CELF6: variants seen among roughly 807,000 people sequenced by gnomAD.
CELF6 encodes Bruno -like 6, RNA binding protein.
In CELF6, 32 loss-of-function variants were observed where a neutral mutation model predicts 53.1. The observed-to-expected ratio is 0.60, with a 90% CI of 0.46 to 0.81. The LOEUF is 0.81. Ranked by LOEUF, CELF6 falls within the 30% of genes least tolerant of loss-of-function variation. The probability of loss-of-function intolerance (pLI) is 0.00; values close to 1 mark genes in which losing one functional copy is unlikely to be tolerated. For synonymous variants in CELF6, 291 were observed against 288.8 expected (o/e 1.01, Z -0.08); for missense variants, 539 against 669.5 (o/e 0.81, Z 2.15).
At position 72,289,094 on chromosome 15, in the gene CELF6, C is replaced by T. The variant is rs1243032918; in HGVS notation, c.1030+44G>A. On this transcript the variant is annotated intron_variant, in intron 8 of 12. Transcript: ENST00000287202. This position sits in a 1 kb window ranked among gnomAD's most constrained non-coding sequence, Gnocchi z 7.6. ...AGGCCCTAACCCCCCACCCCCCGCTCCCCACTCCATTTCGGGGGGATTTGG... is the reference window on the plus strand; with the variant it reads ...AGGCCCTAACCCCCCACCCCCCGCTTCCCACTCCATTTCGGGGGGATTTGG... 1.4e-6 allele frequency: 2 copies of T among 1,443,408 alleles called. No homozygotes were observed. Among genetic ancestry groups the T allele is most frequent in the Admixed American group, 2.7e-5 (1 of 36,794 alleles). The allele number at this position is 1,443,408 out of a possible 1,614,324, so 89.4% of individuals were successfully genotyped here.
At chr15:72,287,423 G>A (rs780658521) in intron 11 of CELF6, 31 bp from the exon 12 acceptor site, 39 of 1,612,516 alleles carry the variant, frequency 2.4e-5, no homozygotes, top group Non-Finnish European at 3.2e-5. Context: ...GATTAGCTGG[G>A]GACTCTGCCT....
At chr15:72,291,568 G>T (rs1252043973) in intron 3 of CELF6, among the ~76,000 whole-genome samples, 1 of 152,154 alleles carries the variant, frequency 6.6e-6, no homozygotes, top group Non-Finnish European at 1.5e-5. Flanking sequence ...AGGCTAGTGG[G>T]GGGTCATAGA....
At chr15:72,292,356 A>G in intron 3 of CELF6, 1 of 856,660 alleles carries the variant, frequency 1.2e-6, no homozygotes. Context: ...TGGCCAGAGA[A>G]TCAAACCCCG....
chr15:72,299,366 T>C (rs1460749418), intron 3 of CELF6, among the ~76,000 whole-genome samples: 5 of 148,564 alleles, frequency 3.4e-5, no homozygotes, highest in African/African-American at 7.3e-5. Context: ...TTTTTTCTTT[T>C]TTTTTTTTTT....
intron 3 of CELF6, 28 bp from the exon 4 acceptor site, chr15:72,290,283 G>T: frequency 6.2e-7 from 1 of 1,607,566 alleles, no homozygotes; most frequent in Non-Finnish European, 8.5e-7. Flanking sequence ...AATGACCTGG[G>T]GACCCCAAGT....
intron 3 of CELF6, chr15:72,292,367 A>G (rs2088016853): frequency 1.3e-6 from 1 of 767,168 alleles, no homozygotes; most frequent in African/African-American, 1.7e-5. Context: ...TCAAACCCCG[A>G]AAGACCATGC....
In CELF6 at chr15:72,289,274, C is replaced by T. The variant is rs942019682; in HGVS notation, c.894G>A (p.Pro298=). The part of the protein sequence containing the change: ...PLLPAAAANS[P]PGSGPGTLPG... ...GGAGGGTGCCAGGGCCGCTGCCAGG[C>T]GGGGAGTTGGCTGCTGATGGCGGAA... The change falls in exon 8 of 13, where the codon CCG becomes CCA. Residue 298 remains proline, a synonymous_variant. Transcript: ENST00000287202. The surrounding 1 kb of genome is among the most constrained non-coding windows in gnomAD (Gnocchi z 7.6). The T allele has an allele frequency of 1.3e-6, 2 of 1,576,150 alleles. No homozygotes were observed. The highest frequency in any genetic ancestry group is 1.7e-4 in the Middle Eastern group (1 of 5,916).
intron 3 of CELF6, among the ~76,000 whole-genome samples, chr15:72,291,246 G>C (rs2088003098): frequency 6.6e-6 from 1 of 152,154 alleles, no homozygotes; most frequent in Admixed American, 6.5e-5. Context: ...GCTGGGGCTG[G>C]AAACTAGGGT....
chr15:72,305,275 G>T (rs1160722626), intron 2 of CELF6, among the ~76,000 whole-genome samples: 2 of 152,178 alleles, frequency 1.3e-5, no homozygotes, highest in Non-Finnish European at 2.9e-5. Flanking sequence ...GTCATTTAAT[G>T]GTTGTATGAC....
chr15:72,309,137 T>C (rs563199101), intron 2 of CELF6, among the ~76,000 whole-genome samples: 1 of 152,344 alleles, frequency 6.6e-6, no homozygotes, highest in African/African-American at 2.4e-5. Context: ...GGTCTCAAAC[T>C]TCTGGGCTCA....
rs187009906 is a variant in CELF6 at position 72,290,801 on chromosome 15, T to C, written c.395-546A>G. ...AACAGCACAGAAAACAGTCCTGTCA[T>C]CCTACTGCCTCATCTTTAGGCACTG... On this transcript the variant is annotated intron_variant, in intron 3 of 12. Coordinates refer to ENST00000287202, the MANE Select transcript of CELF6 (RefSeq NM_052840.5). Among the ~76,000 whole-genome samples the C allele has an allele frequency of 1.3e-3, 198 of 152,226 alleles. 1 individual carries two copies. Among genetic ancestry groups the C allele is most frequent in the Admixed American group, 2.5e-3 (38 of 15,294 alleles).
intron 3 of CELF6, among the ~76,000 whole-genome samples, chr15:72,296,901 A>C (rs2088087189): frequency 6.6e-6 from 1 of 152,262 alleles, no homozygotes; most frequent in Non-Finnish European, 1.5e-5. Context: ...AGTTCTTCAA[A>C]AAATTAAAAA....
chr15:72,289,459 G>C lies in CELF6; in HGVS notation c.796C>G (p.Leu266Val), dbSNP rs1173520582. The stretch of plus-strand genomic sequence containing the variant: ...GCCGCCACTGCCGCCACCGGGCCTA[G>C]GCCTGGGCCCTGTGCCGCCGCCAGC... ...ALLAAAQGPG[L>V]GPVAAVAAQM... is the part of the protein sequence containing the mutation. The change falls in exon 7 of 13, where the codon CTA (leucine) becomes GTA (valine). Residue 266 changes from leucine (L) to valine (V), a missense_variant. Transcript: ENST00000287202. The surrounding 1 kb of genome is among the most constrained non-coding windows in gnomAD (Gnocchi z 7.6). The C allele has an allele frequency of 6.5e-7, 1 of 1,538,364 alleles. No homozygotes were observed. Among genetic ancestry groups the C allele is most frequent in the Non-Finnish European group, 8.7e-7 (1 of 1,148,556 alleles).
intron 1 of CELF6, among the ~76,000 whole-genome samples, chr15:72,316,419 T>G (rs2088365280): frequency 6.6e-6 from 1 of 152,112 alleles, no homozygotes; most frequent in Non-Finnish European, 1.5e-5. Context: ...CCAGCTCTTG[T>G]CCATGTCTCC....
Position 72,319,819 on chromosome 15 carries a change from C to T in CELF6, c.56G>A (p.Gly19Asp). The change falls in exon 1 of 13, where the codon GGT becomes GAT. Residue 19 changes from glycine (G) to aspartate (D), a missense_variant. By Grantham distance (94) the Gly-to-Asp change is moderately conservative (BLOSUM62 -1). Transcript: ENST00000287202. This position sits in a 1 kb window ranked among gnomAD's most constrained non-coding sequence, Gnocchi z 5.0. ...GACGCCGCTGTCCGCGGTGCTGAAA[C>T]CCAGGCGCGGGCCGGGGCCAGCGGG... The part of the protein sequence containing the change: ...AQPAGPGPRL[G>D]FSTADSGVGM... The T allele has an allele frequency of 1.9e-6, 3 of 1,551,662 alleles. No homozygotes were observed. Among genetic ancestry groups the T allele is most frequent in the Non-Finnish European group, 1.7e-6 (2 of 1,147,026 alleles).
At chr15:72,318,076 T>C (rs2088383288) in intron 1 of CELF6, among the ~76,000 whole-genome samples, 1 of 152,204 alleles carries the variant, frequency 6.6e-6, no homozygotes, top group Admixed American at 6.5e-5. Context: ...AGATTAGCTT[T>C]GTATGTACAT....
Position 72,288,785 on chromosome 15 carries a change from C to T in CELF6, c.1093+83G>A, listed in dbSNP as rs2087956696. On this transcript the variant is annotated intron_variant, in intron 9 of 12. Transcript: ENST00000287202. The surrounding 1 kb of genome is among the most constrained non-coding windows in gnomAD (Gnocchi z 4.6). The stretch of plus-strand genomic sequence containing the variant: ...GGATGGGAGGATCAACTCCTTGGAA[C>T]AGAGCCTAAATCCCCCACAACTCTC... 1.4e-6 allele frequency: 2 copies of T among 1,419,442 alleles called. No individual in the cohort carries two copies. The highest frequency in any genetic ancestry group is 9.7e-7 in the Non-Finnish European group (1 of 1,026,744). 87.9% of individuals were successfully genotyped at this position (1,419,442 alleles called of 1,614,324 possible). A position where few individuals can be genotyped will look rare whatever the true frequency, so the allele number is the denominator to read the frequency against.
intron 3 of CELF6, among the ~76,000 whole-genome samples, chr15:72,298,512 G>C (rs2088107384): frequency 6.6e-6 from 1 of 152,038 alleles, no homozygotes; most frequent in Non-Finnish European, 1.5e-5. Context: ...AAGAGTGCAT[G>C]GATTGATTAC....
At chr15:72,308,261 T>C (rs2088255224) in intron 2 of CELF6, among the ~76,000 whole-genome samples, 1 of 152,162 alleles carries the variant, frequency 6.6e-6, no homozygotes, top group African/African-American at 2.4e-5. Context: ...AGAGTTTTGC[T>C]CTTGTTGCCC....
Sources: gnomAD v4.1 joint callset for allele counts (sites outside exome capture counted in the v4.1 genomes callset) on GRCh38, gnomAD v4.1.1 for gene constraint, Gnocchi (gnomAD v3.1) non-coding constraint, MANE v1.5 for transcripts, NCBI Gene and HGNC (gene_info 2026-07-23, HGNC 2026-07-21) for gene names.